Variants in SNTB1 observed in about 807,000 individuals in gnomAD.
SNTB1 encodes syntrophin beta 1.
SNTB1 carries 36 observed loss-of-function variants against 48.9 expected under a neutral mutation model. That is an observed-to-expected ratio of 0.74 (90% CI 0.56 to 0.97). The LOEUF is 0.97. SNTB1 is among the 50% of genes least tolerant of loss of function. The probability of loss-of-function intolerance (pLI) is 0.00; values close to 1 mark genes in which losing one functional copy is unlikely to be tolerated. For synonymous variants in SNTB1, 299 were observed against 294.6 expected, an observed-to-expected ratio of 1.01 and a Z score of -0.15; for missense variants, 786 against 703.4, an observed-to-expected ratio of 1.12 and a Z score of -1.33.
At chr8:120,686,459 C>T (rs1398867852) in intron 2 of SNTB1, among the ~76,000 whole-genome samples, 5 of 152,168 alleles carry the variant, frequency 3.3e-5, no homozygotes, top group Admixed American at 1.3e-4. Flanking sequence ...GGAAAACAGG[C>T]TCCCTTGAGC....
intron 1 of SNTB1, among the ~76,000 whole-genome samples, chr8:120,714,671 A>T (rs1208295170): frequency 1.3e-5 from 2 of 152,216 alleles, no homozygotes; most frequent in African/African-American, 4.8e-5. Context: ...TGGGCTATGG[A>T]GACAGTCTCT....
chr8:120,744,817 A>T (rs1024788078), intron 1 of SNTB1, among the ~76,000 whole-genome samples: 1 of 152,240 alleles, frequency 6.6e-6, no homozygotes, highest in Non-Finnish European at 1.5e-5. Flanking sequence ...TTGTTGTCAC[A>T]TTAAAAATAA....
chr8:120,775,357 C>A (rs1010968365), intron 1 of SNTB1: 1 of 152,154 alleles, frequency 6.6e-6, no homozygotes, highest in Non-Finnish European at 1.5e-5. Flanking sequence ...AACACGGGGA[C>A]TTGAGTTCAC....
rs182199670 is a variant in SNTB1 at position 120,562,991 on chromosome 8, G to A, written c.1136+12095C>T. On this transcript the variant is annotated intron_variant, in intron 4 of 6. Coordinates refer to ENST00000517992, the MANE Select transcript of SNTB1 (RefSeq NM_021021.4). ...CATGCCTGGTTCCCAAGCCATCTGG[G>A]AGTAGAGAAGTGCACATTCTTCAAT... 4.3e-4 allele frequency among the ~76,000 whole-genome samples: 65 copies of A among 152,288 alleles called. No homozygotes were observed. The East Asian group carries it at 0.012, about 29-fold the overall frequency.
intron 2 of SNTB1, among the ~76,000 whole-genome samples, chr8:120,635,134 A>C (rs1817053358): frequency 6.6e-6 from 1 of 152,188 alleles, no homozygotes; most frequent in Non-Finnish European, 1.5e-5. Flanking sequence ...TATGTGATGG[A>C]ACAGGGAATT....
rs1480191769 is a variant in SNTB1 at position 120,712,354 on chromosome 8, G to T, written c.572-18446C>A. 3.4e-5 allele frequency among the ~76,000 whole-genome samples: 5 copies of T among 148,344 alleles called. No individual in the cohort carries two copies. The Admixed American group carries it at 3.4e-4, about 10-fold the overall frequency. On this transcript the variant is annotated intron_variant, in intron 1 of 6. Coordinates refer to ENST00000517992, the MANE Select transcript of SNTB1 (RefSeq NM_021021.4). ...GGCATGAACCTGGGAGGCGCAGCTT[G>T]CAGTGAGCCGAGATCACACCACTGC...
rs377578698 is a variant in SNTB1 at position 120,591,403 on chromosome 8, T to A, written c.997-16178A>T. ...CCTTTTTCCTCTATCCATGTTAAGA[T>A]CTAAGGGTCAAAGGTGTACATGCTA... On this transcript the variant is annotated intron_variant, in intron 3 of 6. Coordinates refer to ENST00000517992, the MANE Select transcript of SNTB1 (RefSeq NM_021021.4). Among the ~76,000 whole-genome samples, 11 of 152,236 alleles carry A rather than the reference T, an allele frequency of 7.2e-5. No individual in the cohort carries two copies. The East Asian group carries it at 1.5e-3, about 21-fold the overall frequency.
At chr8:120,640,523 A>C (rs1354373986) in intron 2 of SNTB1, among the ~76,000 whole-genome samples, 1 of 152,070 alleles carries the variant, frequency 6.6e-6, no homozygotes, top group Non-Finnish European at 1.5e-5. Context: ...GTTTGTCATA[A>C]ATAGCTCTTA....
rs373208447 is a variant in SNTB1 at position 120,548,833 on chromosome 8, A to G, written c.1262T>C (p.Leu421Pro). Residue 421 changes from leucine to proline, a missense_variant, in exon 5 of 7, where the codon CTC becomes CCC. Transcript: ENST00000517992. ...TACTATGCTCCTTGTCCAGTGGGAGAGGTCCCTGCTGGTCTCTGCTCTGAA... is the reference window on the plus strand; with the variant it reads ...TACTATGCTCCTTGTCCAGTGGGAGGGGTCCCTGCTGGTCTCTGCTCTGAA... ...HLFRAETSRDLSHWTRSIVQG... is the reference protein window; with the variant it reads ...HLFRAETSRDPSHWTRSIVQG... 7 of 1,613,952 alleles carry G rather than the reference A, an allele frequency of 4.3e-6. No homozygotes were observed. In the African/African-American group the frequency reaches 9.3e-5, roughly 22 times the overall value.
chr8:120,569,649 G>C (rs1255736769), intron 4 of SNTB1, among the ~76,000 whole-genome samples: 2 of 152,198 alleles, frequency 1.3e-5, no homozygotes, highest in Admixed American at 6.5e-5. Flanking sequence ...CCTGAGTCGG[G>C]ACAAACTTGG....
At chr8:120,775,646 GGAAA>G (rs1333945410) in intron 1 of SNTB1, 2 of 145,622 alleles carry the variant, frequency 1.4e-5, no homozygotes, top group African/African-American at 5.1e-5. Context: ...AAGGAAGGAA[GGAAA>G]GAAAGGAAGG....
intron 4 of SNTB1, among the ~76,000 whole-genome samples, chr8:120,572,353 C>T (rs750928537): frequency 9.2e-5 from 14 of 152,174 alleles, no homozygotes; most frequent in African/African-American, 3.1e-4. Flanking sequence ...CACAATATTG[C>T]CAGGCACTGT....
intron 3 of SNTB1, among the ~76,000 whole-genome samples, chr8:120,610,174 T>C (rs1563830818): frequency 6.6e-6 from 1 of 152,252 alleles, no homozygotes; most frequent in Non-Finnish European, 1.5e-5. Context: ...TCTCACTCTG[T>C]TGCCCAGGCA....
Position 120,581,216 on chromosome 8 carries a change from C to A in SNTB1, c.997-5991G>T, listed in dbSNP as rs188091043. 8.0e-4 allele frequency among the ~76,000 whole-genome samples: 121 copies of A among 152,178 alleles called. 1 individual carries two copies. Among genetic ancestry groups the A allele is most frequent in the African/African-American group, 2.6e-3 (110 of 41,526 alleles). Reference sequence around the variant, plus strand: ...AAAGGCCAGAAAAAGAAGAAAAGTGCTCTATGGGAGCCTCAGCTTTCTAGG... The same window carrying A: ...AAAGGCCAGAAAAAGAAGAAAAGTGATCTATGGGAGCCTCAGCTTTCTAGG... On this transcript the variant is annotated intron_variant, in intron 3 of 6. Transcript: ENST00000517992.
chr8:120,803,023 A>AC (rs1212081197), intron 1 of SNTB1, among the ~76,000 whole-genome samples: 2 of 144,100 alleles, frequency 1.4e-5, no homozygotes, highest in African/African-American at 5.8e-5. Context: ...AAAAACAACA[A>AC]AAAAAAAACT....
intron 1 of SNTB1, among the ~76,000 whole-genome samples, chr8:120,754,100 T>A (rs1819270161): frequency 6.6e-6 from 1 of 152,170 alleles, no homozygotes; most frequent in Non-Finnish European, 1.5e-5. Flanking sequence ...AGTAACTCAC[T>A]TTCTATTTGA....
chr8:120,745,490 T>C (rs931103142), intron 1 of SNTB1, among the ~76,000 whole-genome samples: 2 of 152,056 alleles, frequency 1.3e-5, no homozygotes, highest in Non-Finnish European at 2.9e-5. Flanking sequence ...ACAGTTTGTC[T>C]GGATTCCCTC....
intron 3 of SNTB1, among the ~76,000 whole-genome samples, chr8:120,584,126 C>T (rs1205123996): frequency 2.0e-5 from 3 of 151,662 alleles, no homozygotes; most frequent in Admixed American, 6.6e-5. Flanking sequence ...GCCAACATGA[C>T]AAAACGCTAT....
At chr8:120,736,083 G>T (rs1317011170) in intron 1 of SNTB1, among the ~76,000 whole-genome samples, 1 of 152,108 alleles carries the variant, frequency 6.6e-6, no homozygotes, top group Non-Finnish European at 1.5e-5. Flanking sequence ...GGGAAGCAAG[G>T]CACCTTCTTC....
Sources: allele counts gnomAD v4.1 joint callset (sites outside exome capture counted in the v4.1 genomes callset), GRCh38; gene constraint gnomAD v4.1.1; transcripts MANE v1.5; gene names NCBI Gene and HGNC (gene_info 2026-07-23, HGNC 2026-07-21).